BAALC: variants seen among roughly 807,000 people sequenced by gnomAD.
BAALC encodes the protein brain and acute leukemia cytoplasmic protein.
Under a neutral mutation model 15.5 loss-of-function variants are expected in BAALC, and 9 were observed. The ratio of observed to expected loss-of-function variants is 0.58; its 90% CI spans 0.35 to 1.02. The LOEUF is 1.02. BAALC is among the 50% of genes least tolerant of loss of function. BAALC has a pLI of 0.02. For synonymous variants in BAALC, 80 were observed against 74.6 expected (o/e 1.07, Z -0.37); for missense variants, 201 against 192.4 (o/e 1.04, Z -0.27).
chr8:103,205,726 C>T (rs551164856), intron 1 of BAALC, among the ~76,000 whole-genome samples: 3 of 152,120 alleles, frequency 2.0e-5, no homozygotes, highest in Non-Finnish European at 4.4e-5. Context: ...AACAGACACC[C>T]CAGGTGAGTT....
Position 103,214,145 on chromosome 8 carries a change from T to G in BAALC, c.327+1060T>G, listed in dbSNP as rs1812509874. Among the ~76,000 whole-genome samples the G allele has an allele frequency of 2.6e-5, 4 of 152,220 alleles. No homozygotes were observed. In the South Asian group the frequency reaches 8.3e-4, roughly 32 times the overall value. On this transcript the variant is annotated intron_variant, in intron 2 of 2. Coordinates refer to ENST00000309982, the MANE Select transcript of BAALC (RefSeq NM_024812.3). Reference sequence around the variant, plus strand: ...ACAGGATTCATGTTCAGAAAATGGCTGTGTTTGCATGATCTTCAGGAAGAG... The same window carrying G: ...ACAGGATTCATGTTCAGAAAATGGCGGTGTTTGCATGATCTTCAGGAAGAG...
At chr8:103,226,888 G>T (rs1180925428) in intron 2 of BAALC, among the ~76,000 whole-genome samples, 1 of 152,064 alleles carries the variant, frequency 6.6e-6, no homozygotes, top group Non-Finnish European at 1.5e-5. Flanking sequence ...ACAGATAAGG[G>T]TTAGAGAGTT....
At chr8:103,183,698 C>G (rs994145339) in intron 1 of BAALC, among the ~76,000 whole-genome samples, 1 of 152,172 alleles carries the variant, frequency 6.6e-6, no homozygotes, top group African/African-American at 2.4e-5. Context: ...GCCCCACCAC[C>G]TCTGCTCCAT....
intron 1 of BAALC, among the ~76,000 whole-genome samples, chr8:103,196,436 A>G (rs1017913980): frequency 1.3e-5 from 2 of 152,022 alleles, no homozygotes; most frequent in Non-Finnish European, 2.9e-5. Context: ...ATGCACCACC[A>G]TGCCTGGCTA....
At chr8:103,178,066 G>A (rs146101091) in intron 1 of BAALC, among the ~76,000 whole-genome samples, 2 of 152,224 alleles carry the variant, frequency 1.3e-5, no homozygotes, top group African/African-American at 4.8e-5. Context: ...TTGGAGCTCA[G>A]CTATCAAGTT....
At chr8:103,213,283 G>T (rs1004849880) in intron 2 of BAALC, 198 bp downstream of exon 2, 1 of 560,690 alleles carries the variant, frequency 1.8e-6, no homozygotes. Flanking sequence ...GCTGCTTTTT[G>T]TTTCCATGTG....
intron 1 of BAALC, among the ~76,000 whole-genome samples, chr8:103,203,894 T>A (rs1812274495): frequency 6.6e-6 from 1 of 152,206 alleles, no homozygotes; most frequent in Non-Finnish European, 1.5e-5. Context: ...CTAAGAACAC[T>A]CATGAACAAG....
chr8:103,224,688 G>GA (rs1407461365), intron 2 of BAALC, among the ~76,000 whole-genome samples: 5 of 151,216 alleles, frequency 3.3e-5, no homozygotes, highest in Non-Finnish European at 7.4e-5. Flanking sequence ...AGGAAGGAAG[G>GA]AAAAAAAAGG....
intron 1 of BAALC, among the ~76,000 whole-genome samples, chr8:103,157,419 T>A (rs1190983020): frequency 6.6e-6 from 1 of 152,146 alleles, no homozygotes; most frequent in African/African-American, 2.4e-5. Context: ...CCATTCCCCT[T>A]CATCAATTGG....
intron 1 of BAALC, among the ~76,000 whole-genome samples, chr8:103,146,866 C>T (rs914377944): frequency 5.6e-4 from 86 of 152,218 alleles, no homozygotes; most frequent in Admixed American, 1.3e-4. Flanking sequence ...TTCCCATGGC[C>T]CTTGTCTCCT....
intron 2 of BAALC, 173 bp downstream of exon 2, chr8:103,213,258 C>G (rs1220252358): frequency 1.5e-6 from 1 of 664,164 alleles, no homozygotes; most frequent in Non-Finnish European, 2.4e-6. Flanking sequence ...ACCCCAAAAC[C>G]CTGCCTTGAG....
intron 1 of BAALC, among the ~76,000 whole-genome samples, chr8:103,162,883 C>G (rs991020559): frequency 6.6e-6 from 1 of 152,124 alleles, no homozygotes; most frequent in Non-Finnish European, 1.5e-5. Flanking sequence ...GCATAGCAAA[C>G]CTTTTGAGCA....
intron 1 of BAALC, among the ~76,000 whole-genome samples, chr8:103,154,936 AT>A (rs1811058344): frequency 8.3e-6 from 1 of 120,238 alleles, no homozygotes; most frequent in South Asian, 3.0e-4. Flanking sequence ...ATATATATAT[AT>A]ATAATATATA....
chr8:103,179,898 G>A (rs1316126038), intron 1 of BAALC, among the ~76,000 whole-genome samples: 1 of 152,240 alleles, frequency 6.6e-6, no homozygotes, highest in Non-Finnish European at 1.5e-5. Context: ...CCCTAAGGGA[G>A]TCTGATGAGG....
intron 2 of BAALC, among the ~76,000 whole-genome samples, chr8:103,223,399 T>C (rs1481781351): frequency 6.6e-6 from 1 of 152,228 alleles, no homozygotes; most frequent in African/African-American, 2.4e-5. Flanking sequence ...TTATGTGACA[T>C]ACTTAATTCT....
intron 1 of BAALC, 143 bp from the exon 2 acceptor site, chr8:103,212,776 A>G: frequency 2.8e-6 from 2 of 724,428 alleles, no homozygotes; most frequent in Non-Finnish European, 4.2e-6. Context: ...ATGTTCTTAT[A>G]GAAAAGGGTA....
Position 103,141,021 on chromosome 8 carries a change from C to G in BAALC, c.124C>G (p.Pro42Ala). 1 of 1,518,764 alleles carries G rather than the reference C, an allele frequency of 6.6e-7. No individual in the cohort carries two copies. Among genetic ancestry groups the G allele is most frequent in the Non-Finnish European group, 8.8e-7 (1 of 1,133,604 alleles). 94.1% of individuals were successfully genotyped at this position (1,518,764 alleles called of 1,614,324 possible). ...DSDAPPSAAA[P>A]DSGPEAGGLH... ...GGACGCGCCGCCCAGCGCCGCCGCC[C>G]CGGACAGCGGCCCCGAAGCGGGCGG... The change falls in exon 1 of 3, where the codon CCG (proline) becomes GCG (alanine). Residue 42 changes from proline (P) to alanine (A), a missense_variant. Coordinates refer to ENST00000309982, the MANE Select transcript of BAALC (RefSeq NM_024812.3).
Position 103,228,080 on chromosome 8 carries a change from C to G in BAALC, c.419C>G (p.Thr140Arg). The change falls in exon 3 of 3, where the codon ACA becomes AGA. Residue 140 changes from threonine (T) to arginine (R), a missense_variant. Thr to Arg is a moderately conservative substitution (Grantham distance 71). Transcript: ENST00000309982. Reference protein sequence around the residue: ...IQQMDRSRRITKNCVN With the variant: ...IQQMDRSRRIRKNCVN ...CAGATGGACAGAAGTCGAAGAATCA[C>G]AAAGAACTGTGTCAACTAGCAGAGA... 3 of 1,611,808 alleles carry G rather than the reference C, an allele frequency of 1.9e-6. No individual in the cohort carries two copies. The highest frequency in any genetic ancestry group is 2.5e-6 in the Non-Finnish European group (3 of 1,178,238).
chr8:103,220,153 T>C (rs1334588887), intron 2 of BAALC, among the ~76,000 whole-genome samples: 1 of 152,176 alleles, frequency 6.6e-6, no homozygotes, highest in East Asian at 1.9e-4. Flanking sequence ...GCGGAGAATT[T>C]AGAGTGAGCT....
Sources: allele counts gnomAD v4.1 joint callset (sites outside exome capture counted in the v4.1 genomes callset), GRCh38; gene constraint gnomAD v4.1.1; transcripts MANE v1.5; gene names NCBI Gene and HGNC (gene_info 2026-07-23, HGNC 2026-07-21).